The following RASSF3 variants were observed in gnomAD, a reference collection of about 807,000 sequenced individuals.
The protein encoded by RASSF3 is Ras association domain family member 3, also known as ras association domain-containing protein 3.
In RASSF3, 19 loss-of-function variants were observed where a neutral mutation model predicts 19.9. The observed-to-expected ratio is 0.96, with a 90% confidence interval of 0.67 to 1.40. The LOEUF (loss-of-function observed/expected upper bound fraction) is 1.40, where lower values mean the gene tolerates loss of function less well. Among genes scored for constraint, RASSF3 ranks in the 40% most tolerant of loss-of-function variants. The pLI is 0.00. For synonymous variants in RASSF3, 110 were observed against 104.2 expected (o/e 1.06, Z -0.34); for missense variants, 306 against 289.8 (o/e 1.06, Z -0.41).
chr12:64,668,931 A>G (rs556171350), intron 1 of RASSF3, among the ~76,000 whole-genome samples: 4 of 152,092 alleles, frequency 2.6e-5, no homozygotes, highest in African/African-American at 9.6e-5. Flanking sequence ...GGCCTCCCAA[A>G]GTGCTGGGAT....
intron 1 of RASSF3, among the ~76,000 whole-genome samples, chr12:64,517,249 A>G (rs751377360): frequency 5.9e-5 from 9 of 152,176 alleles, no homozygotes; most frequent in Non-Finnish European, 7.3e-5. Flanking sequence ...TATGATTTAC[A>G]TAGAAAGGTA....
chr12:64,695,892 C>T lies in RASSF3; in HGVS notation c.*980C>T, dbSNP rs1025498461. On this transcript the variant is annotated 3_prime_UTR_variant, in exon 5 of 5. Transcript: ENST00000542104. Reference sequence around the variant, plus strand: ...TTAAGTTACATAGTGTATAGCTTTCCCCCCACAGGTGGTTTTCAAAGTTGA... The same window carrying T: ...TTAAGTTACATAGTGTATAGCTTTCTCCCCACAGGTGGTTTTCAAAGTTGA... 1.3e-5 allele frequency: 2 copies of T among 152,212 alleles called. No homozygotes were observed. The highest frequency in any genetic ancestry group is 4.8e-5 in the African/African-American group (2 of 41,432). The allele number at this position is 152,212 out of a possible 1,614,324, so 9.4% of individuals were successfully genotyped here.
intron 2 of RASSF3, among the ~76,000 whole-genome samples, chr12:64,562,414 T>G (rs951846727): frequency 1.3e-5 from 2 of 152,110 alleles, no homozygotes; most frequent in African/African-American, 4.8e-5. Flanking sequence ...GGCAATTTGG[T>G]CATAGTTCAA....
chr12:64,685,694 G>T (rs1291135334), intron 2 of RASSF3, among the ~76,000 whole-genome samples: 1 of 152,178 alleles, frequency 6.6e-6, no homozygotes, highest in Non-Finnish European at 1.5e-5. Context: ...CGTCGCTGTC[G>T]CAGGCTTCCA....
chr12:64,589,107 A>G (rs890213203), intron 2 of RASSF3, among the ~76,000 whole-genome samples: 1 of 152,230 alleles, frequency 6.6e-6, no homozygotes, highest in African/African-American at 2.4e-5. Flanking sequence ...AAAGAACAAG[A>G]GCCACCTGGG....
Position 64,568,528 on chromosome 12 carries a change from G to A in RASSF3, c.294+26823G>A, listed in dbSNP as rs189194556. ...TCACGGCCCCAACACACCATGTGGC[G>A]GCAATTCCTTCTTCCCCTTCCTCTG... On this transcript the variant is annotated intron_variant, in intron 2 of 5. Coordinates refer to the RASSF3 transcript ENST00000637125. 5.7e-4 allele frequency among the ~76,000 whole-genome samples: 87 copies of A among 152,130 alleles called. No individual in the cohort carries two copies. In the East Asian group the frequency reaches 0.014, roughly 25 times the overall value.
upstream of RASSF3, among the ~76,000 whole-genome samples, chr12:64,530,571 C>A (rs1487965390): frequency 6.6e-6 from 1 of 152,076 alleles, no homozygotes; most frequent in African/African-American, 2.4e-5. Context: ...GCTTTCCATT[C>A]TCTTGGTTAA....
intron 3 of RASSF3, 114 bp from the exon 4 acceptor site, chr12:64,691,356 A>T: frequency 1.4e-6 from 1 of 703,110 alleles, no homozygotes; most frequent in Non-Finnish European, 2.6e-6. Flanking sequence ...CTGGCGACTT[A>T]GAGGCTGGGG....
intron 1 of RASSF3, among the ~76,000 whole-genome samples, chr12:64,538,666 TA>T (rs953694172): frequency 6.6e-6 from 1 of 151,930 alleles, no homozygotes; most frequent in Non-Finnish European, 1.5e-5. Flanking sequence ...AAAACACAAA[TA>T]AAACATAAAA....
intron 1 of RASSF3, among the ~76,000 whole-genome samples, chr12:64,521,690 A>C (rs943716447): frequency 6.6e-6 from 1 of 152,152 alleles, no homozygotes; most frequent in Non-Finnish European, 1.5e-5. Flanking sequence ...CATGCCCGTC[A>C]GTGCCATTTA....
chr12:64,654,748 C>T (rs1243321239), intron 1 of RASSF3: 6 of 151,928 alleles, frequency 3.9e-5, no homozygotes, highest in African/African-American at 7.3e-5. Context: ...ACCTGTAATC[C>T]CAGCTACTCA....
intron 1 of RASSF3, among the ~76,000 whole-genome samples, chr12:64,626,345 G>A (rs1870990932): frequency 6.6e-6 from 1 of 151,826 alleles, no homozygotes; most frequent in African/African-American, 2.4e-5. Context: ...GACCAACCTG[G>A]GCCAACATGG....
intron 1 of RASSF3, among the ~76,000 whole-genome samples, chr12:64,513,028 T>C (rs924469696): frequency 6.6e-6 from 1 of 151,954 alleles, no homozygotes; most frequent in African/African-American, 2.4e-5. Context: ...GAAGGTGAAA[T>C]GTATAAACAG....
intron 1 of RASSF3, among the ~76,000 whole-genome samples, chr12:64,615,890 GT>G (rs920660992): frequency 1.3e-5 from 2 of 152,048 alleles, no homozygotes; most frequent in Non-Finnish European, 2.9e-5. Flanking sequence ...GGGCAAACTG[GT>G]CTCAAACTCC....
At chr12:64,692,911 T>G (rs1293669103) in intron 4 of RASSF3, among the ~76,000 whole-genome samples, 1 of 152,102 alleles carries the variant, frequency 6.6e-6, no homozygotes, top group East Asian at 1.9e-4. Flanking sequence ...GACATTGGGT[T>G]TTATTGTTCC....
intron 1 of RASSF3, among the ~76,000 whole-genome samples, chr12:64,520,551 CACACATATATATATATATAT>C (rs1479379304): frequency 0.02 from 2,353 of 120,124 alleles, 72 homozygotes; most frequent in African/African-American, 0.068. Flanking sequence ...TACACACATA[CACACATATATATATATATAT>C]ATATATATAT....
intron 1 of RASSF3, among the ~76,000 whole-genome samples, chr12:64,625,752 G>C (rs935197081): frequency 1.3e-5 from 2 of 151,226 alleles, no homozygotes; most frequent in Admixed American, 6.6e-5. Context: ...CCAGCCCTCT[G>C]TTCTCTCTCC....
At position 64,696,233 on chromosome 12, in the gene RASSF3, TA is replaced by T. The variant is rs1868362903; in HGVS notation, c.*1324del. 1 of 151,864 alleles carries T rather than the reference TA, an allele frequency of 6.6e-6. No homozygotes were observed. Among genetic ancestry groups the T allele is most frequent in the South Asian group, 2.1e-4 (1 of 4,810 alleles). 9.4% of individuals were successfully genotyped at this position (151,864 alleles called of 1,614,324 possible). A position where few individuals can be genotyped will look rare whatever the true frequency, so the allele number is the denominator to read the frequency against. On this transcript the variant is annotated 3_prime_UTR_variant, in exon 5 of 5. Transcript: ENST00000542104. ...CCCAATCCTACCAGATCTTTAGTTC[TA>T]AAGGGCAACTTGACTGTGAGTAGGA...
chr12:64,575,873 T>G (rs1869586421), intron 2 of RASSF3: 1 of 151,796 alleles, frequency 6.6e-6, no homozygotes. Context: ...TTCTGAAAAT[T>G]CTCGACAGAT....
Sources: allele counts gnomAD v4.1 joint callset (sites outside exome capture counted in the v4.1 genomes callset), GRCh38; gene constraint gnomAD v4.1.1; transcripts MANE v1.5; gene names NCBI Gene and HGNC (gene_info 2026-07-23, HGNC 2026-07-21).